SCART1: variants seen among roughly 807,000 people sequenced by gnomAD.
SCART1 encodes scavenger receptor family member expressed on T cells 1, also known as scavenger receptor cysteine-rich domain-containing protein SCART1.
Under a neutral mutation model 36.2 loss-of-function variants are expected in SCART1, and 62 were observed. That is an observed-to-expected ratio of 1.71 (90% CI 1.40 to 2.12). SCART1 has a LOEUF of 2.12. Among genes scored for constraint, SCART1 ranks in the 30% most tolerant of loss-of-function variants. The probability of loss-of-function intolerance (pLI) is 0.00; values close to 1 mark genes in which losing one functional copy is unlikely to be tolerated. For missense variants in SCART1, 1,041 were observed against 540.5 expected, an observed-to-expected ratio of 1.93 and a Z score of -9.18; for synonymous variants, 487 against 238.7, an observed-to-expected ratio of 2.04 and a Z score of -9.59.
exon 4 of SCART1, chr10:133,458,438 A>T: frequency 1.4e-6 from 1 of 700,410 alleles, no homozygotes; most frequent in Admixed American, 2.0e-5. Context: ...ACCGTCTGTG[A>T]TGCGGCCCTG....
chr10:133,456,481 C>G, exon 2 of SCART1: 1 of 700,230 alleles, frequency 1.4e-6, no homozygotes, highest in African/African-American at 1.7e-5. Context: ...AGTCCTCCCT[C>G]TGGGAGTGCA....
intron 2 of SCART1, 25 bp downstream of exon 2, chr10:133,456,579 C>T (rs573649948): frequency 6.2e-5 from 39 of 632,868 alleles, no homozygotes; most frequent in Non-Finnish European, 8.6e-5. Flanking sequence ...GTGAAGGGGA[C>T]GGGGCTGAGG....
intron 2 of SCART1, chr10:133,456,974 C>T: frequency 1.9e-6 from 1 of 517,384 alleles, no homozygotes; most frequent in Non-Finnish European, 3.4e-6. Flanking sequence ...TTTTATGTGG[C>T]TGTGAGGACC....
chr10:133,460,125 C>A (rs1850679796), exon 6 of SCART1: 2 of 516,248 alleles, frequency 3.9e-6, no homozygotes, highest in Non-Finnish European at 3.4e-6. Flanking sequence ...GGGCTGGGGG[C>A]GGCACGACTG....
chr10:133,461,303 C>A (rs945944095), intron 6 of SCART1, among the ~76,000 whole-genome samples: 16 of 151,972 alleles, frequency 1.1e-4, no homozygotes, highest in African/African-American at 3.6e-4. Context: ...GCCCATCTGA[C>A]CTGTGGTCTC....
intron 1 of SCART1, among the ~76,000 whole-genome samples, chr10:133,455,548 C>T (rs1036375402): frequency 2.0e-5 from 3 of 152,076 alleles, no homozygotes; most frequent in African/African-American, 7.2e-5. Context: ...CCCACATGGA[C>T]TTCCTCCTAC....
At chr10:133,453,964 G>A (rs950453586) in exon 1 of SCART1, 21 of 702,908 alleles carry the variant, frequency 3.0e-5, no homozygotes, top group Admixed American at 1.6e-4. Context: ...GCTAAGCAGC[G>A]AGAGCTTGCT....
chr10:133,459,748 C>T, exon 6 of SCART1: 1 of 696,638 alleles, frequency 1.4e-6, no homozygotes, highest in East Asian at 2.7e-5. Flanking sequence ...TGCAACGTGT[C>T]CGCGACCCTG....
chr10:133,459,068 T>A, exon 5 of SCART1: 1 of 682,354 alleles, frequency 1.5e-6, no homozygotes, highest in Non-Finnish European at 2.7e-6. Flanking sequence ...CCGCGTGGAG[T>A]TCCAGGTGCA....
chr10:133,466,061 C>T (rs1464951434), intron 9 of SCART1, 174 bp from the exon 10 acceptor site: 3 of 634,408 alleles, frequency 4.7e-6, no homozygotes, highest in Non-Finnish European at 8.5e-6. Flanking sequence ...TGGACACTAG[C>T]CATTTTGGGG....
intron 2 of SCART1, 127 bp downstream of exon 2, chr10:133,456,681 G>A (rs1285023947): frequency 1.7e-6 from 1 of 591,326 alleles, no homozygotes; most frequent in East Asian, 2.8e-5. Flanking sequence ...CGGGGAGGCT[G>A]TGGGTCTGGA....
intron 6 of SCART1, among the ~76,000 whole-genome samples, chr10:133,460,895 T>C (rs1850693742): frequency 6.6e-6 from 1 of 151,754 alleles, no homozygotes; most frequent in Non-Finnish European, 1.5e-5. Flanking sequence ...TGTGCCACCA[T>C]GTCTGGCTAA....
chr10:133,456,508 C>A lies in SCART1; in HGVS notation c.339C>A (p.Cys113Ter), dbSNP rs2133549729. The stretch of plus-strand genomic sequence containing the variant: ...GGGAGTGCAGCCTTGGCTCATGGTG[C>A]CAGAGCCCGTGCCCCCACGCATGGG... The change falls in exon 2 of 12, where the codon TGC becomes TGA. Residue 113 changes from cysteine to a stop codon, truncating the protein, a stop_gained. Coordinates refer to ENST00000640237, the Ensembl canonical transcript of SCART1. LOFTEE classifies it high-confidence loss of function. 1.4e-6 allele frequency: 1 copy of A among 690,692 alleles called. No homozygotes were observed. The highest frequency in any genetic ancestry group is 2.7e-5 in the East Asian group (1 of 37,022). 42.8% of individuals were successfully genotyped at this position (690,692 alleles called of 1,614,324 possible).
At chr10:133,459,062 G>A (rs899954621) in exon 5 of SCART1, 17 of 700,452 alleles carry the variant, frequency 2.4e-5, no homozygotes, top group African/African-American at 3.5e-5. Context: ...TGAGGGCCGC[G>A]TGGAGTTCCA....
intron 9 of SCART1, chr10:133,465,895 G>A (rs932350235): frequency 1.0e-5 from 7 of 681,606 alleles, no homozygotes; most frequent in Non-Finnish European, 1.9e-5. Context: ...GTTAACCACA[G>A]TGATGACCTT....
exon 2 of SCART1, chr10:133,456,454 G>T (rs988580156): frequency 4.3e-6 from 3 of 702,406 alleles, no homozygotes; most frequent in Non-Finnish European, 7.8e-6. Context: ...TTCACAACGT[G>T]TCCTGCCGGG....
chr10:133,456,541 C>T lies in SCART1; in HGVS notation c.372C>T (p.Val124=), dbSNP rs1001853926. The change falls in exon 2 of 12, where the codon GTC becomes GTT. Residue 124 remains valine (V), a synonymous_variant. Transcript: ENST00000640237. ...CGTGCCCCCACGCATGGGTGGTGGT[C>T]GCGCTGTGCTCCAGTAAGTAGGGAG... 20 of 665,804 alleles carry T rather than the reference C, an allele frequency of 3.0e-5. No homozygotes were observed. In the Middle Eastern group the frequency reaches 8.0e-4, roughly 27 times the overall value. The allele number at this position is 665,804 out of a possible 1,614,324, so 41.2% of individuals were successfully genotyped here.
intron 10 of SCART1, chr10:133,466,932 G>C: frequency 2.8e-6 from 1 of 357,672 alleles, no homozygotes; most frequent in East Asian, 5.0e-5. Context: ...CAGCCCTCAA[G>C]ACTGAGCTCA....
chr10:133,466,171 GT>G (rs1432154491), intron 9 of SCART1, 63 bp from the exon 10 acceptor site: 1 of 678,540 alleles, frequency 1.5e-6, no homozygotes, highest in East Asian at 2.7e-5. Flanking sequence ...GAGCCACCCT[GT>G]CCTGCTGAGG....
Sources: gnomAD v4.1 joint callset for allele counts (sites outside exome capture counted in the v4.1 genomes callset) on GRCh38, gnomAD v4.1.1 for gene constraint, MANE v1.5 for transcripts, NCBI Gene and HGNC (gene_info 2026-07-23, HGNC 2026-07-21) for gene names.